The following RAB6B variants were observed in gnomAD, a reference collection of about 807,000 sequenced individuals.
The protein encoded by RAB6B is ras-related protein Rab-6B.
RAB6B carries 7 observed loss-of-function variants against 31.2 expected under a neutral mutation model. That is an observed-to-expected ratio of 0.22 (90% confidence interval 0.13 to 0.42). The LOEUF (loss-of-function observed/expected upper bound fraction) is 0.42. Among genes scored for constraint, RAB6B ranks in the 10% least tolerant of loss-of-function variants. The pLI is 1.00. For missense variants in RAB6B, 149 were observed against 280.6 expected, an observed-to-expected ratio of 0.53 and a Z score of 3.35; for synonymous variants, 105 against 104.9, an observed-to-expected ratio of 1.00 and a Z score of -0.01.
At chr3:133,837,876 T>C (rs1576393772) in intron 6 of RAB6B, among the ~76,000 whole-genome samples, 1 of 152,242 alleles carries the variant, frequency 6.6e-6, no homozygotes, top group Non-Finnish European at 1.5e-5. Flanking sequence ...TGGAAGCTGG[T>C]GGCTGGACAC....
intron 1 of RAB6B, among the ~76,000 whole-genome samples, chr3:133,869,048 G>A (rs980319755): frequency 4.4e-4 from 67 of 152,152 alleles, no homozygotes; most frequent in Middle Eastern, 3.4e-3. Context: ...GCAGGTGGCC[G>A]GGCAGTCAGG....
intron 2 of RAB6B, among the ~76,000 whole-genome samples, chr3:133,856,386 T>C (rs995661340): frequency 1.1e-4 from 17 of 151,840 alleles, no homozygotes; most frequent in Non-Finnish European, 2.2e-4. Flanking sequence ...CTCATCTTTG[T>C]ACAGACTGTC....
intron 6 of RAB6B, among the ~76,000 whole-genome samples, chr3:133,835,135 C>G (rs1935714313): frequency 6.6e-6 from 1 of 152,182 alleles, no homozygotes; most frequent in Non-Finnish European, 1.5e-5. Flanking sequence ...TGCATGGGCA[C>G]AGTGGTGAGG....
At chr3:133,837,101 C>G (rs1294518547) in intron 6 of RAB6B, among the ~76,000 whole-genome samples, 1 of 151,998 alleles carries the variant, frequency 6.6e-6, no homozygotes, top group East Asian at 1.9e-4. Context: ...ACCCTGCAGC[C>G]ACACCTTTGC....
In RAB6B at chr3:133,824,627, T is replaced by TCAAA. The variant is rs898089358; in HGVS notation, c.*4157_*4160dup. 2 of 152,322 alleles carry TCAAA rather than the reference T, an allele frequency of 1.3e-5. No homozygotes were observed. Among genetic ancestry groups the TCAAA allele is most frequent in the East Asian group, 1.9e-4 (1 of 5,178 alleles). 9.4% of individuals were successfully genotyped at this position (152,322 alleles called of 1,614,324 possible). A position where few individuals can be genotyped will look rare whatever the true frequency, so the allele number is the denominator to read the frequency against. ...TTTTGGAACACCTAAATAGTTCATG[T>TCAAA]CAAACAAAAATTCAAAGGGTGTCCT... On this transcript the variant is annotated 3_prime_UTR_variant, in exon 8 of 8. Coordinates refer to ENST00000285208, the MANE Select transcript of RAB6B (RefSeq NM_016577.4).
intron 7 of RAB6B, 131 bp downstream of exon 7, chr3:133,834,444 C>CCGTGCCATT: frequency 1.0e-6 from 1 of 967,052 alleles, no homozygotes; most frequent in Non-Finnish European, 1.7e-6. Context: ...AGAGGAGGCC[C>CCGTGCCATT]CGTGCCATTC....
intron 1 of RAB6B, among the ~76,000 whole-genome samples, chr3:133,889,098 G>C (rs1936593775): frequency 6.6e-6 from 1 of 152,056 alleles, no homozygotes; most frequent in Admixed American, 6.6e-5. Flanking sequence ...GTTCTACCTA[G>C]CCTTCTGTCA....
At chr3:133,854,967 T>C (rs1348743022) in intron 2 of RAB6B, among the ~76,000 whole-genome samples, 1 of 152,268 alleles carries the variant, frequency 6.6e-6, no homozygotes, top group Non-Finnish European at 1.5e-5. Context: ...CAAGATTCTC[T>C]TCTCAGGAAA....
At chr3:133,861,566 C>G (rs1936161521) in intron 2 of RAB6B, among the ~76,000 whole-genome samples, 1 of 152,204 alleles carries the variant, frequency 6.6e-6, no homozygotes, top group Admixed American at 6.5e-5. Flanking sequence ...AAGAACTCAC[C>G]AGCTGTCACT....
At chr3:133,874,071 T>C (rs62269105) in intron 1 of RAB6B, among the ~76,000 whole-genome samples, 13,274 of 152,128 alleles carry the variant, frequency 0.087, 1,184 homozygotes, top group African/African-American at 0.24. Context: ...GTCTCAAAAA[T>C]GGCAGAGAAG....
intron 2 of RAB6B, among the ~76,000 whole-genome samples, chr3:133,849,335 C>T (rs1267337499): frequency 6.6e-6 from 1 of 152,184 alleles, no homozygotes; most frequent in Non-Finnish European, 1.5e-5. Context: ...GTTTGTTAAA[C>T]ATGTTGATTC....
chr3:133,838,310 G>A (rs1428368177), intron 5 of RAB6B, 51 bp from the exon 6 acceptor site: 2 of 1,550,256 alleles, frequency 1.3e-6, no homozygotes, highest in Non-Finnish European at 1.8e-6. Context: ...AGCAGACCCT[G>A]GCAGATATGA....
rs573986342 is a variant in RAB6B at position 133,849,900 on chromosome 3, A to G, written c.130-8237T>C. On this transcript the variant is annotated intron_variant, in intron 2 of 7. Transcript: ENST00000285208. ...AGAGGGCCTTGGCTGGGCCTCAGTT[A>G]CCAGAAAATTTCTAGCTCTTTGACA... Among the ~76,000 whole-genome samples the G allele has an allele frequency of 2.0e-5, 3 of 152,352 alleles. No individual in the cohort carries two copies. The East Asian group carries it at 5.8e-4, about 29-fold the overall frequency.
At chr3:133,862,709 A>G (rs570044299) in intron 2 of RAB6B, among the ~76,000 whole-genome samples, 1 of 152,214 alleles carries the variant, frequency 6.6e-6, no homozygotes, top group East Asian at 1.9e-4. Context: ...GACGCTGAAC[A>G]TGGAGGTAGG....
chr3:133,876,058 C>T (rs537454036), intron 1 of RAB6B, among the ~76,000 whole-genome samples: 1 of 152,304 alleles, frequency 6.6e-6, no homozygotes, highest in South Asian at 2.1e-4. Context: ...TGAAAAGCCT[C>T]CCAATCCCTC....
At position 133,825,286 on chromosome 3, in the gene RAB6B, C is replaced by T. The variant is rs1935540942; in HGVS notation, c.*3502G>A. Reference sequence around the variant, plus strand: ...TATTGTCACAACTGGTATCCCAGGGCAGGGCCTCCCCGCACTGGCTAGCCA... The same window carrying T: ...TATTGTCACAACTGGTATCCCAGGGTAGGGCCTCCCCGCACTGGCTAGCCA... On this transcript the variant is annotated 3_prime_UTR_variant, in exon 8 of 8. Coordinates refer to ENST00000285208, the MANE Select transcript of RAB6B (RefSeq NM_016577.4). 1 of 152,246 alleles carries T rather than the reference C, an allele frequency of 6.6e-6. No homozygotes were observed. The highest frequency in any genetic ancestry group is 2.1e-4 in the South Asian group (1 of 4,816). 9.4% of individuals were successfully genotyped at this position (152,246 alleles called of 1,614,324 possible).
rs747293405 is a variant in RAB6B, at chr3:133,825,675, T to C, written c.*3113A>G. 1.3e-5 allele frequency: 2 copies of C among 152,210 alleles called. No homozygotes were observed. The highest frequency in any genetic ancestry group is 2.9e-5 in the Non-Finnish European group (2 of 68,052). The allele number at this position is 152,210 out of a possible 1,614,324, so 9.4% of individuals were successfully genotyped here. On this transcript the variant is annotated 3_prime_UTR_variant, in exon 8 of 8. Transcript: ENST00000285208. Reference sequence around the variant, plus strand: ...CACTTGTAAATAGGCTGTTTGCTTTTTCCATCTTACACTCAACTTTCCTGA... The same window carrying C: ...CACTTGTAAATAGGCTGTTTGCTTTCTCCATCTTACACTCAACTTTCCTGA...
chr3:133,882,769 G>GGAGAGGA (rs1936486344), intron 1 of RAB6B, among the ~76,000 whole-genome samples: 2 of 152,226 alleles, frequency 1.3e-5, no homozygotes. Context: ...GATAGAGGCA[G>GGAGAGGA]GAGAGGAGCT....
rs1013227216 is a variant in RAB6B, at chr3:133,828,331, A to T, written c.*457T>A. Reference sequence around the variant, plus strand: ...TTAATTTGCTCAGTTAATTGTTTTAATTTATTGGGCTGGGGATAGGAGGAA... The same window carrying T: ...TTAATTTGCTCAGTTAATTGTTTTATTTTATTGGGCTGGGGATAGGAGGAA... On this transcript the variant is annotated 3_prime_UTR_variant, in exon 8 of 8. Transcript: ENST00000285208. 8 of 353,984 alleles carry T rather than the reference A, an allele frequency of 2.3e-5. No homozygotes were observed. Among genetic ancestry groups the T allele is most frequent in the African/African-American group, 1.7e-4 (8 of 47,424 alleles). The allele number at this position is 353,984 out of a possible 1,614,324, so 21.9% of individuals were successfully genotyped here.
Sources: gnomAD v4.1 joint callset for allele counts (sites outside exome capture counted in the v4.1 genomes callset) on GRCh38, gnomAD v4.1.1 for gene constraint, MANE v1.5 for transcripts, NCBI Gene and HGNC (gene_info 2026-07-23, HGNC 2026-07-21) for gene names.